The following TMEM117 variants were observed in gnomAD, a reference collection of about 807,000 sequenced individuals.
The protein encoded by TMEM117 is transmembrane protein 117.
Under a neutral mutation model 52.4 loss-of-function variants are expected in TMEM117, and 27 were observed. The observed-to-expected ratio is 0.51, with a 90% CI of 0.38 to 0.71. TMEM117 has a LOEUF of 0.71. Among genes scored for constraint, TMEM117 ranks in the 30% least tolerant of loss-of-function variants. The pLI is 0.00. For synonymous variants in TMEM117, 215 were observed against 206.3 expected, an observed-to-expected ratio of 1.04 and a Z score of -0.36; for missense variants, 556 against 630.5, an observed-to-expected ratio of 0.88 and a Z score of 1.26.
At chr12:44,356,783 C>T (rs182272444) in intron 6 of TMEM117, among the ~76,000 whole-genome samples, 5 of 152,176 alleles carry the variant, frequency 3.3e-5, no homozygotes, top group African/African-American at 1.2e-4. Context: ...ATCTTTCTAC[C>T]ACTGGAGTAT....
intron 4 of TMEM117, among the ~76,000 whole-genome samples, chr12:44,185,582 A>G (rs1945709099): frequency 6.6e-6 from 1 of 152,152 alleles, no homozygotes; most frequent in Non-Finnish European, 1.5e-5. Context: ...ACTCCTATTT[A>G]TGGTTGTGAA....
chr12:43,802,185 A>G, the TMEM117 span: 1 of 733,580 alleles, frequency 1.4e-6, no homozygotes, highest in Non-Finnish European at 2.1e-6. Context: ...ATTCCCTTCT[A>G]TGGGAAATAA....
intron 3 of TMEM117, among the ~76,000 whole-genome samples, chr12:44,036,665 TGC>T (rs1256231039): frequency 6.6e-6 from 1 of 152,220 alleles, no homozygotes; most frequent in African/African-American, 2.4e-5. Flanking sequence ...GTAGTTTTCT[TGC>T]CATTTCAAAT....
intron 3 of TMEM117, among the ~76,000 whole-genome samples, chr12:43,962,122 G>T (rs925413411): frequency 6.6e-6 from 1 of 152,180 alleles, no homozygotes; most frequent in African/African-American, 2.4e-5. Context: ...CCTTGCTCCT[G>T]AGTTAGGAAT....
chr12:44,024,186 T>C (rs1946496625), intron 3 of TMEM117, among the ~76,000 whole-genome samples: 1 of 152,212 alleles, frequency 6.6e-6, no homozygotes, highest in East Asian at 1.9e-4. Flanking sequence ...ATAGTTTGTC[T>C]TGTGCACTGC....
At chr12:44,021,156 C>A (rs1195773289) in intron 3 of TMEM117, among the ~76,000 whole-genome samples, 3 of 151,974 alleles carry the variant, frequency 2.0e-5, no homozygotes, top group Non-Finnish European at 2.9e-5. Context: ...TGGGTTGTTA[C>A]ATAGGTAAAC....
chr12:44,090,413 T>A (rs1203885329), intron 3 of TMEM117, among the ~76,000 whole-genome samples: 3 of 117,394 alleles, frequency 2.6e-5, no homozygotes, highest in African/African-American at 1.0e-4. Flanking sequence ...TTTATTTATT[T>A]ATTTATTTAT....
At chr12:44,190,553 G>A (rs947250207) in intron 4 of TMEM117, among the ~76,000 whole-genome samples, 1 of 152,074 alleles carries the variant, frequency 6.6e-6, no homozygotes, top group Admixed American at 6.6e-5. Context: ...AATGGAAAAT[G>A]TGGAGAAGAA....
At chr12:43,886,857 C>CT (rs905252296) in intron 2 of TMEM117, among the ~76,000 whole-genome samples, 5 of 151,932 alleles carry the variant, frequency 3.3e-5, no homozygotes, top group Non-Finnish European at 5.9e-5. Context: ...CCTATTTTCT[C>CT]TTTTTTTGGA....
At chr12:44,273,232 T>TG (rs1182239499) in intron 5 of TMEM117, among the ~76,000 whole-genome samples, 2 of 150,098 alleles carry the variant, frequency 1.3e-5, no homozygotes, top group East Asian at 4.0e-4. Context: ...GGGGTGGAGG[T>TG]GGGGGGATAG....
intron 3 of TMEM117, among the ~76,000 whole-genome samples, chr12:44,048,883 G>A (rs368593901): frequency 2.5e-4 from 38 of 152,248 alleles, no homozygotes; most frequent in Middle Eastern, 3.4e-3. Context: ...TAACAAATCA[G>A]TACTTCAAGG....
chr12:44,349,707 T>C (rs1951536318), intron 6 of TMEM117, among the ~76,000 whole-genome samples: 1 of 152,048 alleles, frequency 6.6e-6, no homozygotes, highest in Non-Finnish European at 1.5e-5. Context: ...TTTCCCAGTT[T>C]AGGAAAGTGC....
chr12:43,958,322 C>T (rs1301159438), intron 3 of TMEM117, among the ~76,000 whole-genome samples: 2 of 152,060 alleles, frequency 1.3e-5, no homozygotes. Context: ...CCAAAGAGCG[C>T]ATACTATTTG....
At chr12:44,348,699 G>A (rs963724659) in intron 6 of TMEM117, among the ~76,000 whole-genome samples, 4 of 151,866 alleles carry the variant, frequency 2.6e-5, no homozygotes, top group Non-Finnish European at 5.9e-5. Flanking sequence ...TCATTTGTGG[G>A]TTTTGTCTTT....
At chr12:44,107,673 A>C (rs1323697311) in intron 3 of TMEM117, among the ~76,000 whole-genome samples, 1 of 152,156 alleles carries the variant, frequency 6.6e-6, no homozygotes, top group African/African-American at 2.4e-5. Context: ...AATGGTATTT[A>C]ATCAGCCTCC....
At chr12:44,279,229 T>C (rs941052717) in intron 5 of TMEM117, among the ~76,000 whole-genome samples, 1 of 152,226 alleles carries the variant, frequency 6.6e-6, no homozygotes, top group Non-Finnish European at 1.5e-5. Flanking sequence ...TTAATATGCC[T>C]GGATGAGCTT....
At chr12:43,875,329 C>T (rs866042089) in intron 2 of TMEM117, among the ~76,000 whole-genome samples, 7 of 152,020 alleles carry the variant, frequency 4.6e-5, no homozygotes, top group Admixed American at 2.6e-4. Flanking sequence ...AGCCATCTGA[C>T]TTGTACTGGA....
At chr12:44,001,781 G>A (rs538260637) in intron 3 of TMEM117, among the ~76,000 whole-genome samples, 1 of 152,168 alleles carries the variant, frequency 6.6e-6, no homozygotes, top group African/African-American at 2.4e-5. Flanking sequence ...ATGGGAACTG[G>A]GAGCTGTTGC....
intron 5 of TMEM117, among the ~76,000 whole-genome samples, chr12:44,213,734 C>T (rs1415855834): frequency 6.6e-6 from 1 of 152,214 alleles, no homozygotes; most frequent in East Asian, 1.9e-4. Flanking sequence ...TGGCACTTCT[C>T]TCTCCTGCTG....
Sources: gnomAD v4.1 joint callset for allele counts (sites outside exome capture counted in the v4.1 genomes callset) on GRCh38, gnomAD v4.1.1 for gene constraint, MANE v1.5 for transcripts, NCBI Gene and HGNC (gene_info 2026-07-23, HGNC 2026-07-21) for gene names.